Variants in PRKG1 observed in about 807,000 individuals in gnomAD.
The protein encoded by PRKG1 is protein kinase cGMP-dependent 1.
PRKG1 carries 35 observed loss-of-function variants against 88.1 expected under a neutral mutation model. The observed-to-expected ratio is 0.40, with a 90% CI of 0.30 to 0.53. The LOEUF (loss-of-function observed/expected upper bound fraction) is 0.53. Ranked by LOEUF, PRKG1 falls within the 20% of genes least tolerant of loss-of-function variation. The pLI, the probability that PRKG1 is intolerant of heterozygous loss-of-function variation, is 0.59. For synonymous variants in PRKG1, 303 were observed against 292.5 expected (o/e 1.04, Z -0.37); for missense variants, 540 against 839.8 (o/e 0.64, Z 4.41).
chr10:51,911,516 A>G (rs1468187272), intron 5 of PRKG1, among the ~76,000 whole-genome samples: 7 of 152,200 alleles, frequency 4.6e-5, no homozygotes, highest in African/African-American at 1.7e-4. Context: ...TTGTGTTTGG[A>G]TTGTGTGAGC....
chr10:52,029,030 T>A (rs1423291167), intron 5 of PRKG1, among the ~76,000 whole-genome samples: 1 of 152,184 alleles, frequency 6.6e-6, no homozygotes, highest in African/African-American at 2.4e-5. Flanking sequence ...TAAAAATAGG[T>A]CACTTAAGGA....
chr10:52,191,185 G>T (rs916441830), intron 9 of PRKG1, among the ~76,000 whole-genome samples: 2 of 152,062 alleles, frequency 1.3e-5, no homozygotes, highest in Admixed American at 1.3e-4. Context: ...AGACAGTCTC[G>T]CTCTGTCGCC....
intron 2 of PRKG1, among the ~76,000 whole-genome samples, chr10:51,339,285 A>G (rs1268356078): frequency 6.6e-6 from 1 of 152,124 alleles, no homozygotes; most frequent in Non-Finnish European, 1.5e-5. Context: ...GGAAAATCAC[A>G]TGATCCATAC....
chr10:51,203,504 A>T (rs1053450265), intron 2 of PRKG1, among the ~76,000 whole-genome samples: 2 of 152,138 alleles, frequency 1.3e-5, no homozygotes, highest in Non-Finnish European at 2.9e-5. Context: ...GAGGAAATGG[A>T]ATTCCCAAAT....
chr10:51,214,078 A>G (rs756351488), intron 2 of PRKG1, among the ~76,000 whole-genome samples: 14 of 152,178 alleles, frequency 9.2e-5, no homozygotes, highest in Non-Finnish European at 1.8e-4. Flanking sequence ...TTGTTAGAGA[A>G]CCTAAAGCAC....
At chr10:52,255,661 C>A (rs1841290198) in intron 10 of PRKG1, among the ~76,000 whole-genome samples, 4 of 151,840 alleles carry the variant, frequency 2.6e-5, no homozygotes, top group Admixed American at 2.6e-4. Context: ...CTGGGAGGGG[C>A]AATCATGTAA....
intron 8 of PRKG1, among the ~76,000 whole-genome samples, chr10:52,135,774 T>A (rs1837396878): frequency 6.6e-6 from 1 of 152,042 alleles, no homozygotes; most frequent in Non-Finnish European, 1.5e-5. Flanking sequence ...AGACAGGAAA[T>A]GTGGGACAGA....
At chr10:51,967,816 C>G (rs1223239385) in intron 5 of PRKG1, among the ~76,000 whole-genome samples, 1 of 152,126 alleles carries the variant, frequency 6.6e-6, no homozygotes, top group Non-Finnish European at 1.5e-5. Flanking sequence ...TCCCCTCTTT[C>G]TTGCAGAATG....
At chr10:51,126,329 ATT>A (rs1206860293) in intron 1 of PRKG1, among the ~76,000 whole-genome samples, 1 of 123,326 alleles carries the variant, frequency 8.1e-6, no homozygotes, top group Non-Finnish European at 1.6e-5. Flanking sequence ...ATGTTTTTAT[ATT>A]TTATATTATT....
At chr10:51,616,529 A>G (rs538664269) in intron 3 of PRKG1, among the ~76,000 whole-genome samples, 32 of 152,230 alleles carry the variant, frequency 2.1e-4, no homozygotes, top group Non-Finnish European at 1.5e-4. Context: ...CAGGGTGGGT[A>G]GGCTCAATCT....
intron 2 of PRKG1, among the ~76,000 whole-genome samples, chr10:51,384,650 C>T (rs1386638282): frequency 5.3e-5 from 8 of 152,084 alleles, no homozygotes; most frequent in Non-Finnish European, 8.8e-5. Flanking sequence ...CCATTCTTCC[C>T]CTGGTCCTCT....
At chr10:51,318,745 T>G (rs902945292) in intron 2 of PRKG1, among the ~76,000 whole-genome samples, 8 of 152,220 alleles carry the variant, frequency 5.3e-5, no homozygotes, top group Non-Finnish European at 1.0e-4. Context: ...GAGTATATTA[T>G]GTTTAAATAA....
intron 5 of PRKG1, among the ~76,000 whole-genome samples, chr10:51,937,182 C>T (rs77554948): frequency 0.021 from 3,221 of 152,046 alleles, 98 homozygotes; most frequent in African/African-American, 0.069. Flanking sequence ...CAGACCACTT[C>T]ATAGGACTTG....
rs534035999 is a variant in PRKG1, at chr10:51,594,302, A to C, written c.592+126466A>C. On this transcript the variant is annotated intron_variant, in intron 3 of 17. Coordinates refer to ENST00000373980, the MANE Select transcript of PRKG1 (RefSeq NM_006258.4). ...CTCGGCCTCTAAAAGCACTGGGATTACAGAATTGAGCCACCATGCCCGGCC... is the reference window on the plus strand; with the variant it reads ...CTCGGCCTCTAAAAGCACTGGGATTCCAGAATTGAGCCACCATGCCCGGCC... Among the ~76,000 whole-genome samples, 7 of 152,332 alleles carry C rather than the reference A, an allele frequency of 4.6e-5. No homozygotes were observed. In the East Asian group the frequency reaches 1.3e-3, roughly 29 times the overall value.
chr10:52,129,018 A>T (rs528342317), intron 7 of PRKG1, among the ~76,000 whole-genome samples: 1 of 152,308 alleles, frequency 6.6e-6, no homozygotes, highest in Admixed American at 6.5e-5. Flanking sequence ...CTTGTGTTCA[A>T]TATTTTACCA....
At chr10:51,641,011 G>A (rs1394554853) in intron 3 of PRKG1, among the ~76,000 whole-genome samples, 1 of 152,062 alleles carries the variant, frequency 6.6e-6, no homozygotes, top group African/African-American at 2.4e-5. Context: ...GCCATTAGTG[G>A]TCAAAGTGTA....
intron 1 of PRKG1, among the ~76,000 whole-genome samples, chr10:51,125,681 C>CA (rs560452656): frequency 2.9e-3 from 352 of 120,202 alleles, no homozygotes; most frequent in Middle Eastern, 6.2e-3. Context: ...AACTCTGTCT[C>CA]AAAAAAAAAA....
chr10:51,983,894 C>A (rs967513312), intron 5 of PRKG1, among the ~76,000 whole-genome samples: 6 of 152,196 alleles, frequency 3.9e-5, no homozygotes, highest in African/African-American at 9.7e-5. Flanking sequence ...GTGCCGGGTT[C>A]CCAGCTTTCT....
At chr10:52,213,944 A>G (rs911709948) in intron 9 of PRKG1, among the ~76,000 whole-genome samples, 3 of 152,322 alleles carry the variant, frequency 2.0e-5, no homozygotes, top group East Asian at 1.9e-4. Flanking sequence ...CCAAACATAC[A>G]TTTAATACAT....
Sources: allele counts gnomAD v4.1 joint callset (sites outside exome capture counted in the v4.1 genomes callset), GRCh38; gene constraint gnomAD v4.1.1; transcripts MANE v1.5; gene names NCBI Gene and HGNC (gene_info 2026-07-23, HGNC 2026-07-21).